The following DSEL variants were observed in gnomAD, a reference collection of about 807,000 sequenced individuals.
DSEL encodes dermatan sulfate epimerase like.
A neutral mutation model predicts 96.6 loss-of-function variants in DSEL; 61 were observed. The ratio of observed to expected loss-of-function variants is 0.63; its 90% CI spans 0.51 to 0.78. DSEL has a LOEUF of 0.78. Ranked by LOEUF, DSEL falls within the 30% of genes least tolerant of loss-of-function variation. The pLI, the probability that DSEL is intolerant of heterozygous loss-of-function variation, is 0.00. For missense variants in DSEL, 1,320 were observed against 1,430.8 expected (o/e 0.92, Z 1.25); for synonymous variants, 514 against 502.0 (o/e 1.02, Z -0.32).
Position 67,510,814 on chromosome 18 carries a change from C to A in DSEL, c.*156G>T. On this transcript the variant is annotated 3_prime_UTR_variant, in exon 2 of 2. Transcript: ENST00000310045. ...AATCCTGCTAGGCCAAATATGGTGC[C>A]ATTTTTTAAAACAATCTCTCTGTGC... 1.8e-6 allele frequency: 1 copy of A among 566,550 alleles called. No individual in the cohort carries two copies. Among genetic ancestry groups the A allele is most frequent in the Non-Finnish European group, 2.9e-6 (1 of 349,482 alleles). 35.1% of individuals were successfully genotyped at this position (566,550 alleles called of 1,614,324 possible).
Position 67,513,754 on chromosome 18 carries a change from T to C in DSEL, c.855A>G (p.Lys285=), listed in dbSNP as rs2089458636. 1.9e-6 allele frequency: 3 copies of C among 1,614,202 alleles called. No homozygotes were observed. Among genetic ancestry groups the C allele is most frequent in the Non-Finnish European group, 2.5e-6 (3 of 1,180,032 alleles). ...EGVAYGSYTA[K]SVTQYVFLAQ... ...CCAGAAAAACATACTGTGTGACGGA[T>C]TTAGCTGTGTAGCTTCCATAGGCCA... Residue 285 remains lysine, a synonymous_variant, in exon 2 of 2, where the codon AAA becomes AAG. Transcript: ENST00000310045.
rs1442433400 is a variant in DSEL, at chr18:67,511,351, T to C, written c.3258A>G (p.Lys1086=). 8 of 1,604,342 alleles carry C rather than the reference T, an allele frequency of 5.0e-6. No individual in the cohort carries two copies. In the African/African-American group the frequency reaches 8.0e-5, roughly 16 times the overall value. The change falls in exon 2 of 2, where the codon AAA becomes AAG. Residue 1086 remains lysine, a synonymous_variant. Transcript: ENST00000310045. ...GYAFEYEPLR[K]ELSKSKSNAV... ...CATTTGATTTGGATTTTGATAATTC[T>C]TTCCTCAATGGTTCATACTCGAAAG... is the stretch of plus-strand genomic sequence containing the variant.
Position 67,507,859 on chromosome 18 carries a change from T to G in DSEL, c.*3111A>C, listed in dbSNP as rs2144042345. 6.6e-6 allele frequency: 1 copy of G among 152,360 alleles called. No individual in the cohort carries two copies. Among genetic ancestry groups the G allele is most frequent in the African/African-American group, 2.4e-5 (1 of 41,594 alleles). 9.4% of individuals were successfully genotyped at this position (152,360 alleles called of 1,614,324 possible). A position where few individuals can be genotyped will look rare whatever the true frequency, so the allele number is the denominator to read the frequency against. On this transcript the variant is annotated 3_prime_UTR_variant, in exon 2 of 2. Transcript: ENST00000310045. Reference sequence around the variant, plus strand: ...ATTCTACAAACTAAATCTATGCAGATTTAGCTTCTTTCTCCTGAGCAGATT... The same window carrying G: ...ATTCTACAAACTAAATCTATGCAGAGTTAGCTTCTTTCTCCTGAGCAGATT...
In DSEL at chr18:67,511,997, AGTT is replaced by A; in HGVS notation, c.2609_2611del (p.Gln870del). The A allele has an allele frequency of 6.2e-7, 1 of 1,614,150 alleles. No homozygotes were observed. The highest frequency in any genetic ancestry group is 8.5e-7 in the Non-Finnish European group (1 of 1,180,028). ...GAGAAAATCACTACTGTTGAAAAAAAGTTGTTTGAGAATTTCAGCTCCTGAACC... is the reference window on the plus strand; with the variant it reads ...GAGAAAATCACTACTGTTGAAAAAAAGTTTGAGAATTTCAGCTCCTGAACC... On this transcript the variant is annotated inframe_deletion, in exon 2 of 2. Transcript: ENST00000310045.
In DSEL at chr18:67,511,443, C is replaced by T. The variant is rs1377556142; in HGVS notation, c.3166G>A (p.Glu1056Lys). ...PSLYSLKNVP[E>K]HLAKLFKIEG... ...ATTTTAAACAATTTTGCTAAATGCT[C>T]TGGTACATTCTTCAAAGAATAAAGA... Residue 1056 changes from glutamate to lysine, a missense_variant, in exon 2 of 2, where the codon GAG (glutamate) becomes AAG (lysine). Glu to Lys is a moderately conservative substitution (Grantham distance 56). This residue lies in a region of DSEL where 986 missense variants were observed against 1,066.4 expected (regional missense o/e 0.92). Coordinates refer to ENST00000310045, the MANE Select transcript of DSEL (RefSeq NM_032160.3). The T allele has an allele frequency of 1.9e-6, 3 of 1,606,864 alleles. No individual in the cohort carries two copies. Among genetic ancestry groups the T allele is most frequent in the Non-Finnish European group, 2.5e-6 (3 of 1,180,004 alleles).
In DSEL at chr18:67,511,492, T is replaced by G. The variant is rs1012663323; in HGVS notation, c.3117A>C (p.Ser1039=). ...GACTTGGTTTACTATTGTACAACATTGAATAAATCCATGCCCGAGGGTCTC... is the reference window on the plus strand; with the variant it reads ...GACTTGGTTTACTATTGTACAACATGGAATAAATCCATGCCCGAGGGTCTC... ...IVRDPRAWIY[S]MLYNSKPSLY... Residue 1039 remains serine (S), a synonymous_variant, in exon 2 of 2, where the codon TCA becomes TCC. Coordinates refer to ENST00000310045, the MANE Select transcript of DSEL (RefSeq NM_032160.3). 1 of 1,612,688 alleles carries G rather than the reference T, an allele frequency of 6.2e-7. No homozygotes were observed.
rs768001548 is a variant in DSEL, at chr18:67,514,518, C to T, written c.91G>A (p.Glu31Lys). Residue 31 changes from glutamate (E) to lysine (K), a missense_variant, in exon 2 of 2, where the codon GAA becomes AAA. Coordinates refer to ENST00000310045, the MANE Select transcript of DSEL (RefSeq NM_032160.3). The stretch of plus-strand genomic sequence containing the variant: ...ATATCATCTGTGAAAACTGCCCATT[C>T]GGAATAATTGCTCACAGATTCCTCA... ...TFEESVSNYSEWAVFTDDIDQ... is the reference protein window; with the variant it reads ...TFEESVSNYSKWAVFTDDIDQ... The T allele has an allele frequency of 3.7e-6, 6 of 1,614,116 alleles. No individual in the cohort carries two copies. Among genetic ancestry groups the T allele is most frequent in the South Asian group, 1.1e-5 (1 of 91,078 alleles).
At position 67,511,614 on chromosome 18, in the gene DSEL, G is replaced by C. The variant is rs750643328; in HGVS notation, c.2995C>G (p.Arg999Gly). The C allele has an allele frequency of 6.2e-7, 1 of 1,614,156 alleles. No homozygotes were observed. The change falls in exon 2 of 2, where the codon CGT becomes GGT. Residue 999 changes from arginine (R) to glycine (G), a missense_variant. Physicochemically the swap from Arg to Gly is moderately radical, Grantham distance 125 (BLOSUM62 -2). Coordinates refer to ENST00000310045, the MANE Select transcript of DSEL (RefSeq NM_032160.3). ...CCACTGCTTAAACTGAGCACAGGAC[G>C]TGCACTTGGATAGTAAACCAGGTGT... ...RRHLVYYPSA[R>G]PVLSLSSGSW...
chr18:67,514,838 T>C lies in DSEL; in HGVS notation c.-230A>G, dbSNP rs1412085549. On this transcript the variant is annotated 5_prime_UTR_variant, in exon 2 of 2. Transcript: ENST00000310045. Reference sequence around the variant, plus strand: ...GTCCCTGGCACAGTTTTGCTTCCAGTAAAACTTTGAATAACGTTAAAATCT... The same window carrying C: ...GTCCCTGGCACAGTTTTGCTTCCAGCAAAACTTTGAATAACGTTAAAATCT... 3.9e-6 allele frequency: 2 copies of C among 512,120 alleles called. No individual in the cohort carries two copies. 31.7% of individuals were successfully genotyped at this position (512,120 alleles called of 1,614,324 possible). A position where few individuals can be genotyped will look rare whatever the true frequency, so the allele number is the denominator to read the frequency against.
rs1239726395 is a variant in DSEL at position 67,516,226 on chromosome 18, G to C, written c.-885+135C>G. The C allele has an allele frequency of 6.6e-6, 1 of 152,348 alleles. No individual in the cohort carries two copies. Among genetic ancestry groups the C allele is most frequent in the East Asian group, 1.9e-4 (1 of 5,194 alleles). 9.4% of individuals were successfully genotyped at this position (152,348 alleles called of 1,614,324 possible). ...TCTGTAGGAAACATTCAGGCTAGGA[G>C]TTTCCTGATCCGCCCCGCCTGTTGC... On this transcript the variant is annotated intron_variant, in intron 1 of 1. Coordinates refer to ENST00000310045, the MANE Select transcript of DSEL (RefSeq NM_032160.3). The surrounding 1 kb of genome is among the most constrained non-coding windows in gnomAD (Gnocchi z 5.6).
Position 67,513,193 on chromosome 18 carries a change from C to CTGATCTGGATGCTCA in DSEL, c.1401_1415dup (p.His467_Asp471dup). ...CATTGGGGGCAAAAGTAAATGAGTT[C>CTGATCTGGATGCTCA]TGATCTGGATGCTCATGTCCTGGGT... is the stretch of plus-strand genomic sequence containing the variant. On this transcript the variant is annotated inframe_insertion, in exon 2 of 2. Coordinates refer to ENST00000310045, the MANE Select transcript of DSEL (RefSeq NM_032160.3). 1 of 1,614,192 alleles carries CTGATCTGGATGCTCA rather than the reference C, an allele frequency of 6.2e-7. No homozygotes were observed. Among genetic ancestry groups the CTGATCTGGATGCTCA allele is most frequent in the Non-Finnish European group, 8.5e-7 (1 of 1,180,040 alleles).
In DSEL at chr18:67,512,932, A is replaced by G. The variant is rs987127457; in HGVS notation, c.1677T>C (p.Ala559=). The part of the protein sequence containing the change: ...MVFVSGEAVS[A]YSSAMRLKSV... ...TTTTCAGTCTCATTGCTGAAGAATA[A>G]GCAGACACGGCTTCCCCACTCACAA... The change falls in exon 2 of 2, where the codon GCT becomes GCC. Residue 559 remains alanine, a synonymous_variant. Transcript: ENST00000310045. 12 of 1,614,100 alleles carry G rather than the reference A, an allele frequency of 7.4e-6. No homozygotes were observed. In the African/African-American group the frequency reaches 1.6e-4, roughly 22 times the overall value.
rs71171184 is a variant in DSEL, at chr18:67,508,905, CTTTT to C, written c.*2061_*2064del. On this transcript the variant is annotated 3_prime_UTR_variant, in exon 2 of 2. Transcript: ENST00000310045. ...CACCACGCCCGGCTAATTTTTTGTACTTTTTTTTTTAGTAGAGACGGGGTTTCAC... is the reference window on the plus strand; with the variant it reads ...CACCACGCCCGGCTAATTTTTTGTACTTTTTTAGTAGAGACGGGGTTTCAC... 1 of 149,812 alleles carries C rather than the reference CTTTT, an allele frequency of 6.7e-6. No individual in the cohort carries two copies. Among genetic ancestry groups the C allele is most frequent in the Non-Finnish European group, 1.5e-5 (1 of 67,530 alleles). The allele number at this position is 149,812 out of a possible 1,614,324, so 9.3% of individuals were successfully genotyped here.
chr18:67,511,780 A>G lies in DSEL; in HGVS notation c.2829T>C (p.Asn943=), dbSNP rs919453489. Residue 943 remains asparagine (N), a synonymous_variant, in exon 2 of 2, where the codon AAT becomes AAC. Transcript: ENST00000310045. ...HLQNIHLHEP[N]RGKLAQYFAM... Reference sequence around the variant, plus strand: ...CAAAATATTGGGCCAGTTTACCCCTATTGGGTTCATGCAGATGGATGTTTT... The same window carrying G: ...CAAAATATTGGGCCAGTTTACCCCTGTTGGGTTCATGCAGATGGATGTTTT... The G allele has an allele frequency of 1.3e-5, 21 of 1,613,988 alleles. No homozygotes were observed. The highest frequency in any genetic ancestry group is 2.2e-5 in the East Asian group (1 of 44,900).
chr18:67,514,604 G>A lies in DSEL; in HGVS notation c.5C>T (p.Ala2Val), dbSNP rs749140708. MALMFTGHLLFL... is the reference protein window; with the variant it reads MVLMFTGHLLFL... ...TAGTAAATGTCCTGTAAACATTAAC[G>A]CCATGATCCATGGGGGAGCTCCTCC... Residue 2 changes from alanine to valine, a missense_variant, in exon 2 of 2, where the codon GCG (alanine) becomes GTG (valine). Coordinates refer to ENST00000310045, the MANE Select transcript of DSEL (RefSeq NM_032160.3). The A allele has an allele frequency of 5.9e-5, 95 of 1,613,868 alleles. 2 individuals are homozygous for A. In the South Asian group the frequency reaches 8.1e-4, roughly 14 times the overall value.
rs2089443504 is a variant in DSEL, at chr18:67,511,697, C to A, written c.2912G>T (p.Arg971Ile). ...FKRRESLPEQ[R>I]SQMKGAFDRD... ...ATCAAAGGCGCCTTTCATTTGACTTCTTTGTTCTGGCAAAGACTCTCTCCT... is the reference window on the plus strand; with the variant it reads ...ATCAAAGGCGCCTTTCATTTGACTTATTTGTTCTGGCAAAGACTCTCTCCT... Residue 971 changes from arginine (R) to isoleucine (I), a missense_variant, in exon 2 of 2, where the codon AGA (arginine) becomes ATA (isoleucine). Around this residue, in one of 3 missense-constraint regions of DSEL, gnomAD observed 986 missense variants for 1,066.4 expected, o/e 0.92. Transcript: ENST00000310045. 1 of 1,614,160 alleles carries A rather than the reference C, an allele frequency of 6.2e-7. No homozygotes were observed. Among genetic ancestry groups the A allele is most frequent in the Admixed American group, 1.7e-5 (1 of 60,020 alleles).
Position 67,512,766 on chromosome 18 carries a change from TATATG to T in DSEL, c.1838_1842del (p.Pro613GlnfsTer5). On this transcript the variant is annotated frameshift_variant, in exon 2 of 2. Transcript: ENST00000310045. LOFTEE classifies it high-confidence loss of function. ...GCACCATTATACCTATTCATAAACT[TATATG>T]GGATATATTTAAAATCAATATCCAA... 6.2e-7 allele frequency: 1 copy of T among 1,613,970 alleles called. No homozygotes were observed. Among genetic ancestry groups the T allele is most frequent in the Non-Finnish European group, 8.5e-7 (1 of 1,179,920 alleles).
Position 67,511,872 on chromosome 18 carries a change from T to G in DSEL, c.2737A>C (p.Ser913Arg), listed in dbSNP as rs1436278203. 1 of 1,614,222 alleles carries G rather than the reference T, an allele frequency of 6.2e-7. No homozygotes were observed. The highest frequency in any genetic ancestry group is 2.2e-5 in the East Asian group (1 of 44,886). ...CCTCGGAGTAAACGAAAATGCCCAC[T>G]GCGGATATCTGACACCTTCCATTCA... Reference protein sequence around the residue: ...ACEWKVSDIRSGHFRLLRGWL... With the variant: ...ACEWKVSDIRRGHFRLLRGWL... Residue 913 changes from serine (S) to arginine (R), a missense_variant, in exon 2 of 2, where the codon AGT becomes CGT. This residue lies in a region of DSEL where 986 missense variants were observed against 1,066.4 expected (regional missense o/e 0.92). Coordinates refer to ENST00000310045, the MANE Select transcript of DSEL (RefSeq NM_032160.3).
rs531289251 is a variant in DSEL at position 67,510,673 on chromosome 18, AT to A, written c.*296del. The stretch of plus-strand genomic sequence containing the variant: ...AAGGGGAGTTAGACAAAAACTTAAA[AT>A]TTTCCCATCTCCCCTGACCCCATGA... On this transcript the variant is annotated 3_prime_UTR_variant, in exon 2 of 2. Coordinates refer to ENST00000310045, the MANE Select transcript of DSEL (RefSeq NM_032160.3). 1.8e-3 allele frequency: 586 copies of A among 323,464 alleles called. 1 individual carries two copies. Among genetic ancestry groups the A allele is most frequent in the African/African-American group, 0.012 (553 of 46,676 alleles). 20.0% of individuals were successfully genotyped at this position (323,464 alleles called of 1,614,324 possible). A position where few individuals can be genotyped will look rare whatever the true frequency, so the allele number is the denominator to read the frequency against.
Sources: allele counts gnomAD v4.1 joint callset, GRCh38; gene constraint gnomAD v4.1.1; regional missense constraint gnomAD v4.1.1; non-coding constraint Gnocchi (gnomAD v3.1); transcripts MANE v1.5; gene names NCBI Gene and HGNC (gene_info 2026-07-23, HGNC 2026-07-21).